Variants in STON1 observed in about 807,000 individuals in gnomAD.
STON1 encodes stonin-1.
Under a neutral mutation model 60.9 loss-of-function variants are expected in STON1, and 79 were observed. The observed-to-expected ratio is 1.30, with a 90% CI of 1.08 to 1.56. The LOEUF (loss-of-function observed/expected upper bound fraction) is 1.56, where lower values mean the gene tolerates loss of function less well. Ranked by LOEUF, STON1 falls within the 40% of genes most tolerant of loss-of-function variation. STON1 has a pLI of 0.00. For synonymous variants in STON1, 363 were observed against 306.9 expected (o/e 1.18, Z -1.91); for missense variants, 1,166 against 858.9 (o/e 1.36, Z -4.47).
intron 1 of STON1, among the ~76,000 whole-genome samples, chr2:48,562,952 G>T (rs1218449524): frequency 6.6e-6 from 1 of 152,204 alleles, no homozygotes; most frequent in Non-Finnish European, 1.5e-5. Flanking sequence ...AGAGAGAACA[G>T]CCCAAGAGTT....
chr2:48,585,976 TGTG>T (rs1440798637), intron 2 of STON1, among the ~76,000 whole-genome samples: 2 of 152,254 alleles, frequency 1.3e-5, no homozygotes, highest in Admixed American at 1.3e-4. Context: ...GCCCACGTGG[TGTG>T]AGAGGGACAA....
In STON1 at chr2:48,581,266, C is replaced by T; in HGVS notation, c.633C>T (p.Asn211=). The T allele has an allele frequency of 2.6e-6, 4 of 1,518,686 alleles. No homozygotes were observed. The South Asian group carries it at 5.4e-5, about 20-fold the overall frequency. 94.1% of individuals were successfully genotyped at this position (1,518,686 alleles called of 1,614,324 possible). A position where few individuals can be genotyped will look rare whatever the true frequency, so the allele number is the denominator to read the frequency against. Residue 211 remains asparagine (N), a synonymous_variant, in exon 2 of 4, where the codon AAC becomes AAT. Coordinates refer to ENST00000404752, the MANE Select transcript of STON1 (RefSeq NM_006873.4). ...GCAAAAAGATGTTCTCATCAAGAAACAAGGAGATGCCTATTGACCAAAAAA... is the reference window on the plus strand; with the variant it reads ...GCAAAAAGATGTTCTCATCAAGAAATAAGGAGATGCCTATTGACCAAAAAA... ...PGSKKMFSSR[N]KEMPIDQKSL... is the part of the protein sequence containing the mutation.
At chr2:48,577,274 A>T (rs1201719785) in intron 1 of STON1, among the ~76,000 whole-genome samples, 1 of 149,876 alleles carries the variant, frequency 6.7e-6, no homozygotes, top group African/African-American at 2.5e-5. Context: ...TTTCCTCTGC[A>T]TTTTTTTCTC....
At chr2:48,567,769 A>T (rs971324498) in intron 1 of STON1, among the ~76,000 whole-genome samples, 1 of 152,162 alleles carries the variant, frequency 6.6e-6, no homozygotes, top group Non-Finnish European at 1.5e-5. Context: ...GCATGTTAAC[A>T]CACTGGCCTG....
chr2:48,590,933 A>C (rs560891654), intron 2 of STON1, among the ~76,000 whole-genome samples: 2 of 152,200 alleles, frequency 1.3e-5, no homozygotes, highest in Non-Finnish European at 2.9e-5. Context: ...CTGAAAGTTA[A>C]GTTTAACTTT....
At position 48,579,371 on chromosome 2, in the gene STON1, C is replaced by G. The variant is rs186443618; in HGVS notation, c.-47-1216C>G. 2.6e-3 allele frequency among the ~76,000 whole-genome samples: 399 copies of G among 152,042 alleles called. 3 individuals carry two copies. The highest frequency in any genetic ancestry group is 9.0e-3 in the African/African-American group (373 of 41,440). ...TTGCCCAGGCTGGAGTGCAGTGGCG[C>G]ATTTGTGGCTATAAAGTTCCCTGTG... On this transcript the variant is annotated intron_variant, in intron 1 of 3. Transcript: ENST00000404752.
rs114596726 is a variant in STON1, at chr2:48,594,535, G to A, written c.2134-693G>A. Among the ~76,000 whole-genome samples the A allele has an allele frequency of 3.9e-3, 597 of 152,236 alleles. 5 individuals carry two copies. Among genetic ancestry groups the A allele is most frequent in the African/African-American group, 0.013 (545 of 41,514 alleles). On this transcript the variant is annotated intron_variant, in intron 3 of 3. Coordinates refer to ENST00000404752, the MANE Select transcript of STON1 (RefSeq NM_006873.4). ...CTGTCCTCATGGAGCATAGTTTCTA[G>A]TGGGGGTAAACGAAAAATAGTTAGT...
intron 1 of STON1, among the ~76,000 whole-genome samples, chr2:48,553,098 A>G (rs1672168788): frequency 6.6e-6 from 1 of 152,170 alleles, no homozygotes. Flanking sequence ...CTTCTGGGTC[A>G]TTTCAGGGGT....
In STON1 at chr2:48,552,333, A is replaced by G. The variant is rs556087191; in HGVS notation, c.-48+22117A>G. Among the ~76,000 whole-genome samples the G allele has an allele frequency of 3.9e-5, 6 of 152,334 alleles. No homozygotes were observed. The East Asian group carries it at 9.6e-4, about 24-fold the overall frequency. Reference sequence around the variant, plus strand: ...AGACAGAAGGTAGAGTGGTGGTTGCAGGGGCTGGAGAGAAGATGAATGAGG... The same window carrying G: ...AGACAGAAGGTAGAGTGGTGGTTGCGGGGGCTGGAGAGAAGATGAATGAGG... On this transcript the variant is annotated intron_variant, in intron 1 of 3. Transcript: ENST00000404752.
chr2:48,593,628 T>C (rs1285811167), intron 3 of STON1, among the ~76,000 whole-genome samples: 1 of 152,228 alleles, frequency 6.6e-6, no homozygotes, highest in Admixed American at 6.5e-5. Context: ...GCCTCTCAAA[T>C]AGCATTTTAA....
At chr2:48,580,268 A>T (rs1673798663) in intron 1 of STON1, among the ~76,000 whole-genome samples, 1 of 152,148 alleles carries the variant, frequency 6.6e-6, no homozygotes, top group African/African-American at 2.4e-5. Context: ...TTATCATTAT[A>T]TTATGTCCTT....
chr2:48,582,332 AAT>A lies in STON1; in HGVS notation c.1703_1704del (p.Ile568LysfsTer28). 6.2e-7 allele frequency: 1 copy of A among 1,614,238 alleles called. No homozygotes were observed. The highest frequency in any genetic ancestry group is 8.5e-7 in the Non-Finnish European group (1 of 1,180,044). ...SYAGSLRSCD[N>X]IRIHFPVPSQ... ...TGCTGGTTCCTTAAGGTCCTGTGAC[AAT>A]ATAAGGATACACTTTCCTGTCCCAT... On this transcript the variant is annotated frameshift_variant, in exon 2 of 4. Transcript: ENST00000404752. LOFTEE classifies it high-confidence loss of function.
Position 48,581,785 on chromosome 2 carries a change from T to A in STON1, c.1152T>A (p.His384Gln). The change falls in exon 2 of 4, where the codon CAT becomes CAA. Residue 384 changes from histidine (H) to glutamine (Q), a missense_variant. Coordinates refer to ENST00000404752, the MANE Select transcript of STON1 (RefSeq NM_006873.4). ...TGAAGTTGGGGTCCACATCGTACCA[T>A]GACTTCCTTGACTTTCTGACTACTG... ...QMLKLGSTSY[H>Q]DFLDFLTTVE... 6.2e-7 allele frequency: 1 copy of A among 1,614,172 alleles called. No homozygotes were observed. Among genetic ancestry groups the A allele is most frequent in the Non-Finnish European group, 8.5e-7 (1 of 1,180,034 alleles).
chr2:48,574,882 G>C (rs1673392911), intron 1 of STON1, among the ~76,000 whole-genome samples: 1 of 152,186 alleles, frequency 6.6e-6, no homozygotes, highest in Non-Finnish European at 1.5e-5. Context: ...CTACACAACA[G>C]GAAATCTACT....
chr2:48,583,185 C>G (rs890925277), intron 2 of STON1, among the ~76,000 whole-genome samples: 3 of 152,182 alleles, frequency 2.0e-5, no homozygotes, highest in African/African-American at 7.2e-5. Context: ...ACTTCCCAGG[C>G]TCAAGTGATC....
chr2:48,533,860 C>T (rs1365599040), intron 1 of STON1, among the ~76,000 whole-genome samples: 1 of 151,134 alleles, frequency 6.6e-6, no homozygotes. Flanking sequence ...ACCTCCACCT[C>T]CTGGGTTCAA....
chr2:48,593,583 T>G (rs961112654), intron 3 of STON1, among the ~76,000 whole-genome samples: 8 of 152,268 alleles, frequency 5.3e-5, no homozygotes, highest in Non-Finnish European at 1.2e-4. Context: ...AAATTTTGCC[T>G]GTTACACAGC....
rs1672818263 is a variant in STON1, at chr2:48,564,538, TTCTTCTTCTTCTTCTTCTTC to T, written c.-47-16047_-47-16028del. ...CTTCTTCTTCTTCTTCTTCTTCTTC[TTCTTCTTCTTCTTCTTCTTC>T]TTCTTCTTCTCCTTCTCCTTCTCCT... On this transcript the variant is annotated intron_variant, in intron 1 of 3. Coordinates refer to ENST00000404752, the MANE Select transcript of STON1 (RefSeq NM_006873.4). Among the ~76,000 whole-genome samples the T allele has an allele frequency of 4.1e-5, 2 of 48,346 alleles. 1 individual carries two copies. The highest frequency in any genetic ancestry group is 8.7e-5 in the Non-Finnish European group (2 of 22,946). The allele number at this position is 48,346 out of a possible 152,430, so 31.7% of individuals were successfully genotyped here. A position where few individuals can be genotyped will look rare whatever the true frequency, so the allele number is the denominator to read the frequency against.
intron 1 of STON1, among the ~76,000 whole-genome samples, chr2:48,538,286 A>G (rs1671511776): frequency 2.0e-5 from 3 of 152,130 alleles, no homozygotes; most frequent in Admixed American, 2.0e-4. Context: ...ACTAGTTTGT[A>G]AGAGATAAAG....
Sources: allele counts gnomAD v4.1 joint callset (sites outside exome capture counted in the v4.1 genomes callset), GRCh38; gene constraint gnomAD v4.1.1; transcripts MANE v1.5; gene names NCBI Gene and HGNC (gene_info 2026-07-23, HGNC 2026-07-21).